CNTN5: variants seen among roughly 807,000 people sequenced by gnomAD.
CNTN5 encodes the protein contactin-5.
In CNTN5, 77 loss-of-function variants were observed where a neutral mutation model predicts 129.1. That is an observed-to-expected ratio of 0.60 (90% CI 0.50 to 0.72). The LOEUF is 0.72. Among genes scored for constraint, CNTN5 ranks in the 30% least tolerant of loss-of-function variants. CNTN5 has a pLI of 0.00. For missense variants in CNTN5, 1,478 were observed against 1,328.8 expected (o/e 1.11, Z -1.75); for synonymous variants, 509 against 465.6 (o/e 1.09, Z -1.20).
At chr11:99,382,076 CA>C (rs74792667) in intron 2 of CNTN5, among the ~76,000 whole-genome samples, 33,808 of 152,100 alleles carry the variant, frequency 0.22, 4,680 homozygotes, top group Middle Eastern at 0.32. Context: ...ACAAATGCCT[CA>C]GGGAAAAATC....
intron 2 of CNTN5, among the ~76,000 whole-genome samples, chr11:99,442,543 C>G (rs1478696648): frequency 6.6e-6 from 1 of 152,112 alleles, no homozygotes; most frequent in East Asian, 1.9e-4. Context: ...GGGGACAGAG[C>G]TCTAGTGTTT....
rs1565331316 is a variant in CNTN5, at chr11:100,193,597, C to T, written c.1818C>T (p.Tyr606=). 3 of 1,612,060 alleles carry T rather than the reference C, an allele frequency of 1.9e-6. No homozygotes were observed. Among genetic ancestry groups the T allele is most frequent in the East Asian group, 4.5e-5 (2 of 44,782 alleles). ...IHDASLDVTF[Y]WTLKGQPIDF... is the part of the protein sequence containing the mutation. ...ATGCTAGTTTGGATGTCACTTTCTA[C>T]TGGACTCTGAAAGGACAGCCTATTG... is the stretch of plus-strand genomic sequence containing the variant. The change falls in exon 15 of 25, where the codon TAC becomes TAT. Residue 606 remains tyrosine (Y), a synonymous_variant. Coordinates refer to ENST00000524871, the MANE Select transcript of CNTN5 (RefSeq NM_014361.4).
At chr11:99,349,475 CT>C (rs1331345653) in intron 2 of CNTN5, among the ~76,000 whole-genome samples, 2 of 152,144 alleles carry the variant, frequency 1.3e-5, no homozygotes, top group African/African-American at 4.8e-5. Context: ...TGAATTTAAT[CT>C]GACTTAGTCC....
At chr11:99,822,277 C>T (rs988432150) in intron 4 of CNTN5, among the ~76,000 whole-genome samples, 2 of 152,118 alleles carry the variant, frequency 1.3e-5, no homozygotes, top group Non-Finnish European at 2.9e-5. Context: ...CTTGGAGAAA[C>T]CTTCCCATAC....
intron 9 of CNTN5, among the ~76,000 whole-genome samples, chr11:100,021,362 T>C (rs892675646): frequency 1.3e-5 from 2 of 152,176 alleles, no homozygotes; most frequent in Non-Finnish European, 2.9e-5. Context: ...ATCTTCTATA[T>C]CTTTATTGAT....
intron 16 of CNTN5, among the ~76,000 whole-genome samples, chr11:100,253,341 C>T (rs1162262248): frequency 6.6e-6 from 1 of 152,116 alleles, no homozygotes; most frequent in East Asian, 1.9e-4. Context: ...TTAGAATGAA[C>T]TCTCTGATAC....
intron 1 of CNTN5, among the ~76,000 whole-genome samples, chr11:99,086,191 G>T (rs533260606): frequency 1.3e-5 from 2 of 152,272 alleles, no homozygotes; most frequent in South Asian, 4.1e-4. Flanking sequence ...GGTCGCTGGA[G>T]CCTCTCCCAG....
chr11:99,497,804 G>T (rs1186106736), intron 2 of CNTN5, among the ~76,000 whole-genome samples: 1 of 152,004 alleles, frequency 6.6e-6, no homozygotes, highest in East Asian at 1.9e-4. Flanking sequence ...AGGAAAATGG[G>T]GACATACTAG....
intron 15 of CNTN5, among the ~76,000 whole-genome samples, chr11:100,198,124 T>C (rs1273016423): frequency 6.6e-6 from 1 of 151,978 alleles, no homozygotes; most frequent in African/African-American, 2.4e-5. Context: ...TGACCACTTC[T>C]TATGTGTTAA....
At chr11:100,147,402 G>C (rs1315481899) in intron 13 of CNTN5, among the ~76,000 whole-genome samples, 1 of 152,084 alleles carries the variant, frequency 6.6e-6, no homozygotes, top group African/African-American at 2.4e-5. Flanking sequence ...AAAGGTCACT[G>C]TTCTTATGGA....
chr11:99,614,740 G>C (rs888377063), intron 3 of CNTN5, among the ~76,000 whole-genome samples: 1 of 152,140 alleles, frequency 6.6e-6, no homozygotes, highest in Non-Finnish European at 1.5e-5. Context: ...CTGTGGAACT[G>C]ATGGAAAGTA....
intron 16 of CNTN5, among the ~76,000 whole-genome samples, chr11:100,251,958 G>A (rs887697878): frequency 2.5e-4 from 38 of 152,166 alleles, no homozygotes; most frequent in African/African-American, 9.2e-4. Flanking sequence ...GGATCACATG[G>A]CAGTTCTCTT....
chr11:99,671,552 T>C (rs1416858335), intron 3 of CNTN5, among the ~76,000 whole-genome samples: 1 of 152,058 alleles, frequency 6.6e-6, no homozygotes, highest in Admixed American at 6.6e-5. Flanking sequence ...CAGGAGTTAA[T>C]AAAGATTTTT....
intron 2 of CNTN5, among the ~76,000 whole-genome samples, chr11:99,532,800 A>G (rs1036770887): frequency 3.3e-5 from 5 of 152,246 alleles, no homozygotes; most frequent in African/African-American, 1.2e-4. Flanking sequence ...TGTAAGTCAT[A>G]TAAAAACTCT....
chr11:99,290,918 T>A (rs1407967042), intron 1 of CNTN5, among the ~76,000 whole-genome samples: 1 of 151,916 alleles, frequency 6.6e-6, no homozygotes, highest in Non-Finnish European at 1.5e-5. Context: ...GACACTATTG[T>A]TATAGCATAA....
intron 9 of CNTN5, among the ~76,000 whole-genome samples, chr11:100,037,752 G>A (rs2137654641): frequency 1.3e-5 from 2 of 152,230 alleles, no homozygotes; most frequent in African/African-American, 4.8e-5. Context: ...TAGTTTATTT[G>A]TGTAGAGGTG....
At chr11:99,362,519 A>G (rs913497228) in intron 2 of CNTN5, among the ~76,000 whole-genome samples, 10 of 151,834 alleles carry the variant, frequency 6.6e-5, no homozygotes, top group African/African-American at 2.2e-4. Flanking sequence ...TTAGTTGTCT[A>G]TGCTTTGGGT....
At chr11:99,297,807 T>C (rs1196866638) in intron 1 of CNTN5, among the ~76,000 whole-genome samples, 1 of 152,132 alleles carries the variant, frequency 6.6e-6, no homozygotes, top group Non-Finnish European at 1.5e-5. Context: ...CCTGGGAATT[T>C]TCAAAAGACA....
At chr11:99,147,935 A>G (rs1859865933) in intron 1 of CNTN5, among the ~76,000 whole-genome samples, 2 of 152,046 alleles carry the variant, frequency 1.3e-5, no homozygotes, top group Non-Finnish European at 2.9e-5. Context: ...AATTTTTAGG[A>G]GGAAATATTT....
Sources: allele counts gnomAD v4.1 joint callset (sites outside exome capture counted in the v4.1 genomes callset), GRCh38; gene constraint gnomAD v4.1.1; transcripts MANE v1.5; gene names NCBI Gene and HGNC (gene_info 2026-07-23, HGNC 2026-07-21).